COMMD10: variants seen among roughly 807,000 people sequenced by gnomAD.
COMMD10 encodes COMM domain-containing protein 10.
A neutral mutation model predicts 28.9 loss-of-function variants in COMMD10; 33 were observed. That is an observed-to-expected ratio of 1.14 (90% confidence interval 0.87 to 1.53). The LOEUF (loss-of-function observed/expected upper bound fraction) is 1.53, where lower values mean the gene tolerates loss of function less well. Ranked by LOEUF, COMMD10 falls within the 40% of genes most tolerant of loss-of-function variation. The pLI is 0.00. For synonymous variants in COMMD10, 110 were observed against 81.7 expected, an observed-to-expected ratio of 1.35 and a Z score of -1.87; for missense variants, 310 against 233.4, an observed-to-expected ratio of 1.33 and a Z score of -2.14.
intron 2 of COMMD10, among the ~76,000 whole-genome samples, chr5:116,089,733 C>G (rs1201126794): frequency 6.6e-6 from 1 of 152,162 alleles, no homozygotes; most frequent in African/African-American, 2.4e-5. Context: ...AGTTACCCGT[C>G]CTGCTGGCAT....
At chr5:116,203,022 C>T (rs1748710840) in intron 5 of COMMD10, among the ~76,000 whole-genome samples, 1 of 151,592 alleles carries the variant, frequency 6.6e-6, no homozygotes, top group South Asian at 2.1e-4. Context: ...GGTTTTAGGT[C>T]TAACATTTAA....
intron 5 of COMMD10, among the ~76,000 whole-genome samples, chr5:116,141,260 C>T (rs990626675): frequency 6.6e-6 from 1 of 151,552 alleles, no homozygotes; most frequent in Non-Finnish European, 1.5e-5. Flanking sequence ...TTTCTGGGCT[C>T]TCTATAGTAT....
chr5:116,167,356 A>T (rs759066684), intron 5 of COMMD10, among the ~76,000 whole-genome samples: 2 of 152,164 alleles, frequency 1.3e-5, no homozygotes, highest in African/African-American at 2.4e-5. Context: ...GAAAAGACCA[A>T]ACCTGTGTTT....
chr5:116,171,584 C>T (rs917461923), intron 5 of COMMD10, among the ~76,000 whole-genome samples: 2 of 152,044 alleles, frequency 1.3e-5, no homozygotes, highest in Non-Finnish European at 2.9e-5. Flanking sequence ...AACCCAAATG[C>T]CCATCAATGA....
chr5:116,241,583 C>CTTATGTATTTAT (rs150574868), intron 5 of COMMD10, among the ~76,000 whole-genome samples: 1,923 of 140,506 alleles, frequency 0.014, 32 homozygotes, highest in African/African-American at 0.046. Context: ...ACTCTGCTTT[C>CTTATGTATTTAT]TTATTTATTT....
intron 5 of COMMD10, among the ~76,000 whole-genome samples, chr5:116,208,558 G>A (rs1346022027): frequency 1.3e-5 from 2 of 152,154 alleles, no homozygotes; most frequent in Non-Finnish European, 2.9e-5. Flanking sequence ...TAGAAGGATA[G>A]GGACCACAGT....
At chr5:116,189,754 C>G (rs924177955) in intron 5 of COMMD10, among the ~76,000 whole-genome samples, 1 of 152,038 alleles carries the variant, frequency 6.6e-6, no homozygotes, top group South Asian at 2.1e-4. Context: ...GTCATGACAT[C>G]AGAAGAAAAC....
chr5:116,106,287 T>C (rs1750837572), intron 4 of COMMD10, among the ~76,000 whole-genome samples: 1 of 152,166 alleles, frequency 6.6e-6, no homozygotes, highest in Non-Finnish European at 1.5e-5. Flanking sequence ...CCATGTGTTG[T>C]GAGGTTTTGA....
At chr5:116,199,074 A>G (rs984279313) in intron 5 of COMMD10, among the ~76,000 whole-genome samples, 6 of 152,144 alleles carry the variant, frequency 3.9e-5, no homozygotes, top group African/African-American at 1.4e-4. Flanking sequence ...CATTTCCACT[A>G]ACAATGAAAT....
rs914929373 is a variant in COMMD10, at chr5:116,092,636, C to T, written c.335C>T (p.Thr112Met). The T allele has an allele frequency of 5.0e-6, 8 of 1,612,444 alleles. No individual in the cohort carries two copies. Among genetic ancestry groups the T allele is most frequent in the South Asian group, 3.3e-5 (3 of 90,738 alleles). The change falls in exon 4 of 7, where the codon ACG (threonine) becomes ATG (methionine). Residue 112 changes from threonine to methionine, a missense_variant. By Grantham distance (81) the Thr-to-Met change is moderately conservative. Coordinates refer to ENST00000274458, the MANE Select transcript of COMMD10 (RefSeq NM_016144.4). ...RQDKAEAFVN[T>M]WSSMGQETVE... ...GACAAAGCTGAAGCATTTGTCAATA[C>T]GTGGTCTTCTATGGGTCAAGAAACA...
intron 5 of COMMD10, among the ~76,000 whole-genome samples, chr5:116,171,221 GA>G (rs1307282972): frequency 1.3e-5 from 2 of 152,008 alleles, no homozygotes; most frequent in East Asian, 1.9e-4. Flanking sequence ...GCAGACATAC[GA>G]AAAAAAGCTC....
chr5:116,088,075 G>A (rs533156901), intron 2 of COMMD10, among the ~76,000 whole-genome samples: 1 of 152,276 alleles, frequency 6.6e-6, no homozygotes, highest in East Asian at 1.9e-4. Flanking sequence ...TTTTGGACAT[G>A]TGGATGCTTT....
chr5:116,270,651 A>T (rs1183687212), intron 5 of COMMD10, among the ~76,000 whole-genome samples: 1 of 151,754 alleles, frequency 6.6e-6, no homozygotes, highest in Non-Finnish European at 1.5e-5. Context: ...TTATATATAA[A>T]TTAGGACGGA....
At chr5:116,199,928 T>C (rs1748621059) in intron 5 of COMMD10, among the ~76,000 whole-genome samples, 1 of 152,098 alleles carries the variant, frequency 6.6e-6, no homozygotes, top group Non-Finnish European at 1.5e-5. Context: ...GAATTTTAGG[T>C]TGTTGGGTTT....
chr5:116,182,463 AAGTC>A (rs1408038008), intron 5 of COMMD10, among the ~76,000 whole-genome samples: 5 of 152,194 alleles, frequency 3.3e-5, no homozygotes, highest in Admixed American at 6.5e-5. Context: ...AGCAAAAAAA[AAGTC>A]AGTTGAGGTG....
chr5:116,220,311 A>G lies in COMMD10; in HGVS notation c.511-71206A>G, dbSNP rs1438304236. 3.9e-5 allele frequency among the ~76,000 whole-genome samples: 6 copies of G among 152,304 alleles called. 1 individual carries two copies. Among genetic ancestry groups the G allele is most frequent in the Admixed American group, 3.3e-4 (5 of 15,288 alleles). On this transcript the variant is annotated intron_variant, in intron 5 of 6. Transcript: ENST00000274458. Reference sequence around the variant, plus strand: ...TTCTTCAGGAGTGAAGACTACGTGAATTGAGTTTTGGGGGATTTAATCAGG... The same window carrying G: ...TTCTTCAGGAGTGAAGACTACGTGAGTTGAGTTTTGGGGGATTTAATCAGG...
In COMMD10 at chr5:116,259,380, G is replaced by GT. The variant is rs1335162689; in HGVS notation, c.511-32128dup. 3.1e-3 allele frequency among the ~76,000 whole-genome samples: 464 copies of GT among 149,568 alleles called. 9 individuals carry two copies. The highest frequency in any genetic ancestry group is 1.0e-2 in the African/African-American group (403 of 40,494). Reference sequence around the variant, plus strand: ...TTTTGTAGCAGTCTTTTCCATAATTGTTTTTTTTTGTCTGTGTGCTATCTT... The same window carrying GT: ...TTTTGTAGCAGTCTTTTCCATAATTGTTTTTTTTTTGTCTGTGTGCTATCTT... On this transcript the variant is annotated intron_variant, in intron 5 of 6. Coordinates refer to ENST00000274458, the MANE Select transcript of COMMD10 (RefSeq NM_016144.4).
At chr5:116,110,172 T>A (rs1162711114) in intron 4 of COMMD10, among the ~76,000 whole-genome samples, 6 of 152,226 alleles carry the variant, frequency 3.9e-5, no homozygotes, top group African/African-American at 1.2e-4. Context: ...ATGAATCACA[T>A]TTATTGACTT....
chr5:116,090,234 A>G (rs994820356), intron 2 of COMMD10, among the ~76,000 whole-genome samples: 5 of 152,174 alleles, frequency 3.3e-5, no homozygotes, highest in Admixed American at 1.3e-4. Context: ...TCATCCTGGC[A>G]TATACAAATA....
Sources: gnomAD v4.1 joint callset for allele counts (sites outside exome capture counted in the v4.1 genomes callset) on GRCh38, gnomAD v4.1.1 for gene constraint, MANE v1.5 for transcripts, NCBI Gene and HGNC (gene_info 2026-07-23, HGNC 2026-07-21) for gene names.